Variants in LRMDA observed in about 807,000 individuals in gnomAD.
LRMDA encodes leucine rich melanocyte differentiation associated.
A neutral mutation model predicts 29.8 loss-of-function variants in LRMDA; 18 were observed. The observed-to-expected ratio is 0.60, with a 90% CI of 0.42 to 0.90. The LOEUF is 0.90. LRMDA is among the 40% of genes least tolerant of loss of function. LRMDA has a pLI of 0.00. For synonymous variants in LRMDA, 125 were observed against 109.4 expected (o/e 1.14, Z -0.89); for missense variants, 273 against 273.9 (o/e 1.00, Z 0.02).
chr10:75,907,362 A>T (rs890222860), intron 2 of LRMDA, among the ~76,000 whole-genome samples: 1 of 152,230 alleles, frequency 6.6e-6, no homozygotes, highest in Non-Finnish European at 1.5e-5. Context: ...AGCCAGACAC[A>T]TGCTGATATT....
rs966436618 is a variant in LRMDA, at chr10:75,523,932, T to G, written c.131+85438T>G. ...ATCTGAAAACGTGGAGTTGGAAGAC[T>G]CAGGATGTCAACTGTCAGTGACTTG... On this transcript the variant is annotated intron_variant, in intron 2 of 6. Transcript: ENST00000611255. 2.6e-5 allele frequency among the ~76,000 whole-genome samples: 4 copies of G among 152,324 alleles called. No homozygotes were observed. In the East Asian group the frequency reaches 5.8e-4, roughly 22 times the overall value.
At chr10:76,114,849 C>G (rs1311613362) in intron 5 of LRMDA, among the ~76,000 whole-genome samples, 1 of 152,218 alleles carries the variant, frequency 6.6e-6, no homozygotes, top group African/African-American at 2.4e-5. Context: ...GAGAGAAGCC[C>G]TTTCTGGAGG....
At chr10:75,988,830 G>A (rs1026493149) in intron 2 of LRMDA, among the ~76,000 whole-genome samples, 3 of 152,060 alleles carry the variant, frequency 2.0e-5, no homozygotes, top group African/African-American at 7.2e-5. Flanking sequence ...CAGTGGGTGC[G>A]GCCTGTCCTT....
chr10:76,330,327 G>T (rs1012704150), intron 6 of LRMDA, among the ~76,000 whole-genome samples: 1 of 152,156 alleles, frequency 6.6e-6, no homozygotes, highest in South Asian at 2.1e-4. Context: ...ATGAAGAATG[G>T]ACAGCTGTGT....
chr10:75,753,686 T>C (rs1304312468), intron 2 of LRMDA, among the ~76,000 whole-genome samples: 3 of 152,102 alleles, frequency 2.0e-5, no homozygotes, highest in Non-Finnish European at 1.5e-5. Flanking sequence ...CTAAGGGTGA[T>C]AGGAAACCAG....
intron 2 of LRMDA, among the ~76,000 whole-genome samples, chr10:75,546,483 A>G (rs570654400): frequency 3.3e-5 from 5 of 152,350 alleles, no homozygotes; most frequent in African/African-American, 9.6e-5. Context: ...AAGACTATAC[A>G]TCAGAATATC....
chr10:75,839,847 T>C (rs959070802), intron 2 of LRMDA, among the ~76,000 whole-genome samples: 2 of 151,754 alleles, frequency 1.3e-5, no homozygotes, highest in African/African-American at 4.8e-5. Context: ...TAGCTGGGAC[T>C]ACAGGCGCCC....
chr10:75,820,944 C>T (rs1046499147), intron 2 of LRMDA, among the ~76,000 whole-genome samples: 1 of 152,052 alleles, frequency 6.6e-6, no homozygotes, highest in Non-Finnish European at 1.5e-5. Context: ...ATACAACCTC[C>T]CAAGGTTGAA....
chr10:76,517,897 T>G (rs1843077662), intron 6 of LRMDA, among the ~76,000 whole-genome samples: 1 of 148,554 alleles, frequency 6.7e-6, no homozygotes, highest in Non-Finnish European at 1.5e-5. Context: ...AAAGAGTGTT[T>G]AAATCCCAAC....
At chr10:76,105,504 C>A (rs2132107467) in intron 5 of LRMDA, among the ~76,000 whole-genome samples, 1 of 152,146 alleles carries the variant, frequency 6.6e-6, no homozygotes, top group Non-Finnish European at 1.5e-5. Flanking sequence ...GCCCTCGATT[C>A]TAGGAAAAGT....
chr10:76,044,698 A>G (rs1028396626), intron 3 of LRMDA, among the ~76,000 whole-genome samples: 1 of 152,060 alleles, frequency 6.6e-6, no homozygotes, highest in Non-Finnish European at 1.5e-5. Context: ...TCCAGTCTCT[A>G]TATGAACTCC....
intron 2 of LRMDA, among the ~76,000 whole-genome samples, chr10:75,559,989 T>C (rs1190664626): frequency 6.7e-6 from 1 of 150,202 alleles, no homozygotes; most frequent in Non-Finnish European, 1.5e-5. Context: ...TTTGTTCTTT[T>C]GGCTTAGGAT....
At chr10:75,896,232 A>G (rs1845579180) in intron 2 of LRMDA, among the ~76,000 whole-genome samples, 1 of 152,250 alleles carries the variant, frequency 6.6e-6, no homozygotes, top group African/African-American at 2.4e-5. Flanking sequence ...AAGAGCTTCT[A>G]GGTTTCCAGT....
chr10:75,896,926 T>C (rs1021888657), intron 2 of LRMDA, among the ~76,000 whole-genome samples: 1 of 152,030 alleles, frequency 6.6e-6, no homozygotes, highest in Admixed American at 6.6e-5. Context: ...CTTTGTTTCA[T>C]TTTTTTGGTT....
chr10:75,894,460 G>A (rs1278367082), intron 2 of LRMDA, among the ~76,000 whole-genome samples: 2 of 152,240 alleles, frequency 1.3e-5, no homozygotes, highest in East Asian at 3.9e-4. Context: ...CCATGATTTT[G>A]CAATTGTGAA....
intron 2 of LRMDA, among the ~76,000 whole-genome samples, chr10:75,633,516 T>G (rs1841353691): frequency 6.6e-6 from 1 of 152,258 alleles, no homozygotes. Context: ...GTGATGTTTT[T>G]ACATTCATGC....
intron 6 of LRMDA, among the ~76,000 whole-genome samples, chr10:76,472,349 T>G (rs1842626490): frequency 6.6e-6 from 1 of 151,674 alleles, no homozygotes; most frequent in Non-Finnish European, 1.5e-5. Flanking sequence ...TGAAAAACAC[T>G]TTGAGATGAA....
intron 2 of LRMDA, among the ~76,000 whole-genome samples, chr10:75,638,485 A>G (rs1278443629): frequency 6.6e-6 from 1 of 152,156 alleles, no homozygotes; most frequent in Non-Finnish European, 1.5e-5. Context: ...TTCTTGGAAA[A>G]TTTGTTACTT....
chr10:76,454,263 T>A (rs562884848), intron 6 of LRMDA, among the ~76,000 whole-genome samples: 2 of 152,278 alleles, frequency 1.3e-5, no homozygotes, highest in Admixed American at 6.5e-5. Context: ...GGTGATTGCA[T>A]TGAGGATTCT....
Sources: allele counts gnomAD v4.1 joint callset (sites outside exome capture counted in the v4.1 genomes callset), GRCh38; gene constraint gnomAD v4.1.1; transcripts MANE v1.5; gene names NCBI Gene and HGNC (gene_info 2026-07-23, HGNC 2026-07-21).